Variants in SAMD12 observed in about 807,000 individuals in gnomAD.
SAMD12 encodes the protein sterile alpha motif domain containing 12, also known as sterile alpha motif domain-containing protein 12.
A neutral mutation model predicts 15.0 loss-of-function variants in SAMD12; 9 were observed. That is an observed-to-expected ratio of 0.60 (90% CI 0.36 to 1.05). SAMD12 has a LOEUF of 1.05. SAMD12 is among the 50% of genes least tolerant of loss of function. The probability of loss-of-function intolerance (pLI) is 0.01; values close to 1 mark genes in which losing one functional copy is unlikely to be tolerated. For missense variants in SAMD12, 230 were observed against 234.2 expected, an observed-to-expected ratio of 0.98 and a Z score of 0.12; for synonymous variants, 86 against 90.1, an observed-to-expected ratio of 0.96 and a Z score of 0.25.
intron 4 of SAMD12, among the ~76,000 whole-genome samples, chr8:118,242,898 T>C (rs1812605919): frequency 6.6e-6 from 1 of 152,172 alleles, no homozygotes; most frequent in South Asian, 2.1e-4. Context: ...GAAATCTGGA[T>C]AATGCCATGC....
At chr8:118,548,421 A>ACC in intron 2 of SAMD12, among the ~76,000 whole-genome samples, 1 of 120,666 alleles carries the variant, frequency 8.3e-6, no homozygotes, top group South Asian at 2.5e-4. Flanking sequence ...ACACACACAC[A>ACC]CACCCCATGT....
At chr8:118,395,914 A>G (rs1820539434) in intron 3 of SAMD12, among the ~76,000 whole-genome samples, 2 of 149,336 alleles carry the variant, frequency 1.3e-5, no homozygotes, top group Non-Finnish European at 3.0e-5. Context: ...GTAAGATCGC[A>G]AGAGCAAGAC....
chr8:118,400,637 TG>T (rs1820825029), intron 3 of SAMD12: 1 of 152,194 alleles, frequency 6.6e-6, no homozygotes, highest in Non-Finnish European at 1.5e-5. Context: ...TTTTAACAAT[TG>T]AAGTCAGCTT....
chr8:118,394,315 G>T (rs1310474905), intron 3 of SAMD12, among the ~76,000 whole-genome samples: 1 of 152,128 alleles, frequency 6.6e-6, no homozygotes, highest in African/African-American at 2.4e-5. Context: ...GAGCTTCAAG[G>T]GTTGGTTCAG....
chr8:118,326,442 C>T (rs149804035), intron 4 of SAMD12, among the ~76,000 whole-genome samples: 14 of 152,284 alleles, frequency 9.2e-5, no homozygotes, highest in African/African-American at 3.4e-4. Context: ...TATGTCTGCT[C>T]TGATGACTGA....
At chr8:118,396,383 G>A (rs547188676) in intron 3 of SAMD12, among the ~76,000 whole-genome samples, 1 of 152,196 alleles carries the variant, frequency 6.6e-6, no homozygotes, top group African/African-American at 2.4e-5. Flanking sequence ...TGTACCTTGT[G>A]TAGGCTTCCA....
intron 4 of SAMD12, among the ~76,000 whole-genome samples, chr8:118,357,116 T>A (rs529716562): frequency 4.0e-4 from 61 of 152,294 alleles, no homozygotes; most frequent in African/African-American, 1.4e-3. Flanking sequence ...TTGTTTAAAT[T>A]GAAAGGGAGA....
At chr8:118,521,532 C>T (rs184768984) in intron 2 of SAMD12, among the ~76,000 whole-genome samples, 2 of 152,278 alleles carry the variant, frequency 1.3e-5, no homozygotes, top group East Asian at 3.9e-4. Flanking sequence ...ATTTATCCTC[C>T]AGCTGCCTGC....
chr8:118,357,209 T>G (rs548938318), intron 4 of SAMD12, among the ~76,000 whole-genome samples: 2 of 152,298 alleles, frequency 1.3e-5, no homozygotes, highest in South Asian at 2.1e-4. Context: ...TTAATAATGA[T>G]GTATATTTCA....
chr8:118,479,787 T>A (rs79140102), intron 2 of SAMD12, among the ~76,000 whole-genome samples: 4 of 140,768 alleles, frequency 2.8e-5, no homozygotes, highest in Non-Finnish European at 6.2e-5. Context: ...TTTTTTTTTT[T>A]AATATAATTG....
intron 2 of SAMD12, among the ~76,000 whole-genome samples, chr8:118,441,153 C>T (rs934832830): frequency 5.9e-5 from 9 of 152,076 alleles, no homozygotes; most frequent in African/African-American, 1.9e-4. Context: ...GGGCTTGCTT[C>T]AGTCTCAGAA....
chr8:118,603,337 C>A (rs970610561), intron 1 of SAMD12, among the ~76,000 whole-genome samples: 1 of 152,120 alleles, frequency 6.6e-6, no homozygotes, highest in African/African-American at 2.4e-5. Context: ...CATGGAATTT[C>A]TGAACACTCA....
rs1481514298 is a variant in SAMD12, at chr8:118,193,421, T to C, written c.*4289A>G. On this transcript the variant is annotated 3_prime_UTR_variant, in exon 5 of 5. Coordinates refer to the SAMD12 transcript ENST00000409003. The stretch of plus-strand genomic sequence containing the variant: ...ATGTGCGTTGATAAACCAGAATTCA[T>C]AGGATAATTTTCTGGATTCAGGATT... 5 of 152,332 alleles carry C rather than the reference T, an allele frequency of 3.3e-5. 1 individual carries two copies. Among genetic ancestry groups the C allele is most frequent in the Middle Eastern group, 6.8e-3 (2 of 294 alleles). 9.4% of individuals were successfully genotyped at this position (152,332 alleles called of 1,614,324 possible). A position where few individuals can be genotyped will look rare whatever the true frequency, so the allele number is the denominator to read the frequency against.
At chr8:118,411,328 T>A (rs1482468126) in intron 3 of SAMD12, among the ~76,000 whole-genome samples, 1 of 152,152 alleles carries the variant, frequency 6.6e-6, no homozygotes, top group Non-Finnish European at 1.5e-5. Context: ...GCAAACATCA[T>A]CAAAGTAACA....
At chr8:118,138,367 G>A in the SAMD12 span, among the ~76,000 whole-genome samples, 3 of 152,220 alleles carry the variant, frequency 2.0e-5, no homozygotes, top group African/African-American at 7.2e-5. Flanking sequence ...CAAGGTGACA[G>A]AGTTAGTAGG....
chr8:118,473,762 T>G (rs917412196), intron 2 of SAMD12, among the ~76,000 whole-genome samples: 2 of 152,162 alleles, frequency 1.3e-5, no homozygotes, highest in African/African-American at 4.8e-5. Context: ...CTGCTGTCTC[T>G]AGATAAGCTG....
At chr8:118,511,829 T>C (rs1446523535) in intron 2 of SAMD12, among the ~76,000 whole-genome samples, 1 of 152,180 alleles carries the variant, frequency 6.6e-6, no homozygotes, top group Non-Finnish European at 1.5e-5. Context: ...CCCATTTATT[T>C]TGTAAAACAC....
chr8:118,346,151 G>A (rs1274142109), intron 4 of SAMD12, among the ~76,000 whole-genome samples: 3 of 152,164 alleles, frequency 2.0e-5, no homozygotes, highest in African/African-American at 7.2e-5. Flanking sequence ...AGGGTTTTCT[G>A]ATTAGATGTA....
At chr8:118,149,693 T>C in the SAMD12 span, among the ~76,000 whole-genome samples, 1 of 152,192 alleles carries the variant, frequency 6.6e-6, no homozygotes, top group Admixed American at 6.5e-5. Context: ...CTTCTAGAGT[T>C]TTTATAGTTT....
Sources: gnomAD v4.1 joint callset for allele counts (sites outside exome capture counted in the v4.1 genomes callset) on GRCh38, gnomAD v4.1.1 for gene constraint, MANE v1.5 for transcripts, NCBI Gene and HGNC (gene_info 2026-07-23, HGNC 2026-07-21) for gene names.